The following SEPTIN9 variants were observed in gnomAD, a reference collection of about 807,000 sequenced individuals.
SEPTIN9 encodes septin 9.
Under a neutral mutation model 56.6 loss-of-function variants are expected in SEPTIN9, and 13 were observed. That is an observed-to-expected ratio of 0.23 (90% CI 0.15 to 0.37). SEPTIN9 has a LOEUF of 0.37. SEPTIN9 is among the 10% of genes least tolerant of loss of function. The pLI, the probability that SEPTIN9 is intolerant of heterozygous loss-of-function variation, is 1.00. For synonymous variants in SEPTIN9, 332 were observed against 334.1 expected (o/e 0.99, Z 0.07); for missense variants, 650 against 823.1 (o/e 0.79, Z 2.57).
rs1164283761 is a variant in SEPTIN9, at chr17:77,380,644, T to A, written c.77-21415T>A. On this transcript the variant is annotated intron_variant, in intron 2 of 11. Coordinates refer to ENST00000427177, the MANE Select transcript of SEPTIN9 (RefSeq NM_001113491.2). ...TTGCAGACACCTGGAGCGGCTTTCCTGGGAGAGTCTCCCTCGCCTTCCCAT... is the reference window on the plus strand; with the variant it reads ...TTGCAGACACCTGGAGCGGCTTTCCAGGGAGAGTCTCCCTCGCCTTCCCAT... Among the ~76,000 whole-genome samples the A allele has an allele frequency of 2.2e-4, 33 of 152,248 alleles. 1 individual carries two copies.
rs2033289735 is a variant in SEPTIN9 at position 77,330,071 on chromosome 17, G to T, written c.76+22874G>T. ...CTTCCTTCCTCTCCCTCGGAATGGG[G>T]GGTGGACACTCCAAGACTAGCCTCC... On this transcript the variant is annotated intron_variant, in intron 2 of 11. Transcript: ENST00000427177. This position sits in a 1 kb window ranked among gnomAD's most constrained non-coding sequence, Gnocchi z 4.4. 6.6e-6 allele frequency among the ~76,000 whole-genome samples: 1 copy of T among 152,204 alleles called. No individual in the cohort carries two copies. Among genetic ancestry groups the T allele is most frequent in the African/African-American group, 2.4e-5 (1 of 41,460 alleles).
chr17:77,393,584 T>C (rs1278579572), intron 2 of SEPTIN9, among the ~76,000 whole-genome samples: 1 of 152,020 alleles, frequency 6.6e-6, no homozygotes, highest in African/African-American at 2.4e-5. Flanking sequence ...TCTTATTTTT[T>C]ATTTATTTAT....
chr17:77,424,580 C>T (rs934435512), intron 3 of SEPTIN9, among the ~76,000 whole-genome samples: 2 of 152,206 alleles, frequency 1.3e-5, no homozygotes, highest in African/African-American at 4.8e-5. Context: ...TGTTCTCCTC[C>T]AGGACTCTGT....
intron 3 of SEPTIN9, among the ~76,000 whole-genome samples, chr17:77,424,758 G>A (rs981056054): frequency 4.2e-4 from 64 of 152,304 alleles, no homozygotes; most frequent in African/African-American, 1.5e-3. Flanking sequence ...GTCCTGCCTC[G>A]GAGGGTTTTT....
Position 77,409,683 on chromosome 17 carries a change from A to AAG in SEPTIN9, c.721+6987_721+6988dup, listed in dbSNP as rs368628723. ...CCCAGGAAGTCAGAGCAGCTGCCAG[A>AAG]AGAGAGAGGAGCTGTGTCTGTACCC... On this transcript the variant is annotated intron_variant, in intron 3 of 11. Coordinates refer to ENST00000427177, the MANE Select transcript of SEPTIN9 (RefSeq NM_001113491.2). 1.1e-4 allele frequency among the ~76,000 whole-genome samples: 17 copies of AAG among 152,218 alleles called. No homozygotes were observed. In the East Asian group the frequency reaches 3.1e-3, roughly 28 times the overall value.
chr17:77,381,010 C>T (rs2035123583), intron 2 of SEPTIN9, among the ~76,000 whole-genome samples: 1 of 152,204 alleles, frequency 6.6e-6, no homozygotes, highest in South Asian at 2.1e-4. Flanking sequence ...GATTCTGTGC[C>T]TGGTTTCGCA....
intron 1 of SEPTIN9, among the ~76,000 whole-genome samples, chr17:77,297,547 C>T (rs778485156): frequency 6.6e-5 from 10 of 152,314 alleles, no homozygotes; most frequent in South Asian, 2.1e-4. Context: ...TCAGAAGAAT[C>T]GTGGTTGCAT....
In SEPTIN9 at chr17:77,434,201, G is replaced by A. The variant is rs948043908; in HGVS notation, c.721+31498G>A. Among the ~76,000 whole-genome samples, 2 of 152,158 alleles carry A rather than the reference G, an allele frequency of 1.3e-5. No individual in the cohort carries two copies. The highest frequency in any genetic ancestry group is 2.9e-5 in the Non-Finnish European group (2 of 68,014). ...ACCTTGCTTTGGCCTGCTGTCTGCG[G>A]AAAGTGCCCTAGGATACGGTGGCAG... is the stretch of plus-strand genomic sequence containing the variant. On this transcript the variant is annotated intron_variant, in intron 3 of 11. Transcript: ENST00000427177. The surrounding 1 kb of genome is among the most constrained non-coding windows in gnomAD (Gnocchi z 5.0).
chr17:77,492,793 C>A lies in SEPTIN9; in HGVS notation c.1476+77C>A. 2 of 1,380,172 alleles carry A rather than the reference C, an allele frequency of 1.4e-6. No homozygotes were observed. Among genetic ancestry groups the A allele is most frequent in the Non-Finnish European group, 1.0e-6 (1 of 967,598 alleles). The allele number at this position is 1,380,172 out of a possible 1,614,324, so 85.5% of individuals were successfully genotyped here. Reference sequence around the variant, plus strand: ...AAGGGTGGGTTGGGGGTTTGGAGGACCTTAAGCCATGAAATTATATTCTTG... The same window carrying A: ...AAGGGTGGGTTGGGGGTTTGGAGGAACTTAAGCCATGAAATTATATTCTTG... On this transcript the variant is annotated intron_variant, in intron 9 of 11. Coordinates refer to ENST00000427177, the MANE Select transcript of SEPTIN9 (RefSeq NM_001113491.2). This position sits in a 1 kb window ranked among gnomAD's most constrained non-coding sequence, Gnocchi z 5.4.
At chr17:77,376,114 A>T (rs956001882) in intron 2 of SEPTIN9, 4 of 986,300 alleles carry the variant, frequency 4.1e-6, no homozygotes, top group African/African-American at 3.5e-5. Context: ...CTTGAGGGAG[A>T]GTAGGAATTG....
At chr17:77,397,598 G>A (rs910962551) in intron 2 of SEPTIN9, among the ~76,000 whole-genome samples, 9 of 152,136 alleles carry the variant, frequency 5.9e-5, no homozygotes, top group African/African-American at 1.9e-4. Context: ...GGTCTAGTGC[G>A]TCCCTCCTCC....
At chr17:77,395,636 A>C (rs976050346) in intron 2 of SEPTIN9, among the ~76,000 whole-genome samples, 1 of 151,952 alleles carries the variant, frequency 6.6e-6, no homozygotes, top group Non-Finnish European at 1.5e-5. Flanking sequence ...AATGAACAAC[A>C]CCCACCGCCA....
intron 2 of SEPTIN9, among the ~76,000 whole-genome samples, chr17:77,370,510 G>C (rs1384771781): frequency 6.6e-6 from 1 of 152,156 alleles, no homozygotes; most frequent in Non-Finnish European, 1.5e-5. Flanking sequence ...TTCCAAGTGG[G>C]CATATCTTTG....
intron 4 of SEPTIN9, among the ~76,000 whole-genome samples, chr17:77,485,852 T>G (rs1396546563): frequency 6.7e-6 from 1 of 149,420 alleles, no homozygotes; most frequent in Non-Finnish European, 1.5e-5. Context: ...TTGTGTTGTG[T>G]TTTTTTGAGA....
rs143221131 is a variant in SEPTIN9 at position 77,323,126 on chromosome 17, G to C, written c.76+15929G>C. Among the ~76,000 whole-genome samples the C allele has an allele frequency of 2.0e-5, 3 of 152,272 alleles. No individual in the cohort carries two copies. Among genetic ancestry groups the C allele is most frequent in the Non-Finnish European group, 4.4e-5 (3 of 68,010 alleles). On this transcript the variant is annotated intron_variant, in intron 2 of 11. Transcript: ENST00000427177. This position sits in a 1 kb window ranked among gnomAD's most constrained non-coding sequence, Gnocchi z 6.8. ...AGACCTGCCCTCTTGTCCCTCCCTCGGCAGTGTCTGGCTCCGGTCTGGTTT... is the reference window on the plus strand; with the variant it reads ...AGACCTGCCCTCTTGTCCCTCCCTCCGCAGTGTCTGGCTCCGGTCTGGTTT...
chr17:77,486,864 T>C (rs1426211244), intron 4 of SEPTIN9, among the ~76,000 whole-genome samples: 1 of 152,150 alleles, frequency 6.6e-6, no homozygotes, highest in Non-Finnish European at 1.5e-5. Context: ...TGCCTGATGC[T>C]CACACCAGCT....
chr17:77,348,854 A>C (rs2033970874), intron 2 of SEPTIN9, among the ~76,000 whole-genome samples: 1 of 152,186 alleles, frequency 6.6e-6, no homozygotes, highest in African/African-American at 2.4e-5. Flanking sequence ...TTTTGCTTTA[A>C]ACAGCCCCAT....
At chr17:77,494,196 G>A (rs1172817352) in intron 10 of SEPTIN9, among the ~76,000 whole-genome samples, 4 of 152,230 alleles carry the variant, frequency 2.6e-5, no homozygotes, top group Non-Finnish European at 5.9e-5. Context: ...TCCAAGTAAG[G>A]TCACAATCAT....
At chr17:77,459,838 G>A (rs2144489206) in intron 3 of SEPTIN9, among the ~76,000 whole-genome samples, 1 of 152,284 alleles carries the variant, frequency 6.6e-6, no homozygotes, top group South Asian at 2.1e-4. Flanking sequence ...ACCGCGCCCG[G>A]CTAATTTTTT....
Sources: allele counts gnomAD v4.1 joint callset (sites outside exome capture counted in the v4.1 genomes callset), GRCh38; gene constraint gnomAD v4.1.1; non-coding constraint Gnocchi (gnomAD v3.1); transcripts MANE v1.5; gene names NCBI Gene and HGNC (gene_info 2026-07-23, HGNC 2026-07-21).